The following ATP10A variants were observed in gnomAD, a reference collection of about 807,000 sequenced individuals.
ATP10A encodes ATPase phospholipid transporting 10A (putative).
In ATP10A, 111 loss-of-function variants were observed where a neutral mutation model predicts 147.8. That is an observed-to-expected ratio of 0.75 (90% CI 0.64 to 0.88). The LOEUF is 0.88. Among genes scored for constraint, ATP10A ranks in the 40% least tolerant of loss-of-function variants. ATP10A has a pLI of 0.00. For missense variants in ATP10A, 1,927 were observed against 1,959.0 expected (o/e 0.98, Z 0.31); for synonymous variants, 875 against 841.6 (o/e 1.04, Z -0.69).
At chr15:25,810,305 A>G (rs1239913554) in intron 1 of ATP10A, among the ~76,000 whole-genome samples, 1 of 152,212 alleles carries the variant, frequency 6.6e-6, no homozygotes. Context: ...CCGAGAGGGC[A>G]GAGCCCACAG....
intron 3 of ATP10A, 146 bp from the exon 4 acceptor site, chr15:25,727,412 C>G (rs546723459): frequency 1.5e-6 from 1 of 668,432 alleles, no homozygotes; most frequent in East Asian, 2.7e-5. Flanking sequence ...AGGGGGCCCC[C>G]GAGAGTGGGT....
At chr15:25,767,899 C>T (rs750885071) in intron 2 of ATP10A, among the ~76,000 whole-genome samples, 10 of 152,350 alleles carry the variant, frequency 6.6e-5, no homozygotes, top group Middle Eastern at 6.8e-3. Context: ...CTGTCTGAGA[C>T]GCATCTAACA....
chr15:25,850,469 C>T (rs1167557723), intron 1 of ATP10A, among the ~76,000 whole-genome samples: 3 of 152,160 alleles, frequency 2.0e-5, no homozygotes, highest in Non-Finnish European at 2.9e-5. Context: ...CCGCCTCAGC[C>T]GAGCCCTGAA....
At position 25,760,237 on chromosome 15, in the gene ATP10A, C is replaced by T. The variant is rs543838003; in HGVS notation, c.654+20782G>A. On this transcript the variant is annotated intron_variant, in intron 2 of 20. Coordinates refer to ENST00000555815, the MANE Select transcript of ATP10A (RefSeq NM_024490.4). ...AGAGATTAAGCCAACATGGGCTTAT[C>T]GAATATTTTAAATTATATGGGAAGC... Among the ~76,000 whole-genome samples the T allele has an allele frequency of 3.9e-5, 6 of 152,168 alleles. No individual in the cohort carries two copies. The South Asian group carries it at 1.2e-3, about 32-fold the overall frequency.
chr15:25,833,511 C>T (rs1892456374), intron 1 of ATP10A, among the ~76,000 whole-genome samples: 3 of 152,168 alleles, frequency 2.0e-5, no homozygotes, highest in Non-Finnish European at 4.4e-5. Context: ...TAGAGTACCC[C>T]TACCACACTT....
chr15:25,857,458 A>AT (rs1171757898), intron 1 of ATP10A, among the ~76,000 whole-genome samples: 2 of 151,712 alleles, frequency 1.3e-5, no homozygotes, highest in Non-Finnish European at 2.9e-5. Context: ...AAAAATAATA[A>AT]TTTTTTTTAG....
chr15:25,690,240 T>A (rs12438413), intron 15 of ATP10A, among the ~76,000 whole-genome samples: 3,276 of 93,946 alleles, frequency 0.035, 85 homozygotes, highest in East Asian at 0.13. Flanking sequence ...TCCTTTTTTT[T>A]AAAAAAAAAA....
intron 1 of ATP10A, among the ~76,000 whole-genome samples, chr15:25,798,282 C>A (rs988959389): frequency 6.6e-6 from 1 of 152,120 alleles, no homozygotes; most frequent in African/African-American, 2.4e-5. Flanking sequence ...GTGCAGTGTG[C>A]GCTTCATGCT....
At chr15:25,677,158 C>G (rs1472066792), downstream of ATP10A, 2 of 152,224 alleles carry the variant, frequency 1.3e-5, no homozygotes, top group Non-Finnish European at 2.9e-5. Flanking sequence ...AGGAAGCCAG[C>G]CTTCCTACTT....
At chr15:25,790,230 T>C (rs941072946) in intron 1 of ATP10A, among the ~76,000 whole-genome samples, 6 of 152,212 alleles carry the variant, frequency 3.9e-5, no homozygotes, top group African/African-American at 7.2e-5. Context: ...GAGTGCTTTT[T>C]CTGGAGTGAA....
chr15:25,713,906 C>A lies in ATP10A; in HGVS notation c.2112G>T (p.Val704=). The part of the protein sequence containing the change: ...EAESPDEAAL[V]YAARAYNCVL... ...CGCAGTTGTAGGCTCTGGCCGCATA[C>A]ACCAGTGCGGCCTCATCCGGGCTCT... Residue 704 remains valine (V), a synonymous_variant, in exon 10 of 21, where the codon GTG becomes GTT. Coordinates refer to ENST00000555815, the MANE Select transcript of ATP10A (RefSeq NM_024490.4). The A allele has an allele frequency of 1.2e-6, 2 of 1,613,336 alleles. No individual in the cohort carries two copies. The highest frequency in any genetic ancestry group is 1.7e-6 in the Non-Finnish European group (2 of 1,180,044).
At chr15:25,844,605 C>T (rs544364333) in intron 1 of ATP10A, among the ~76,000 whole-genome samples, 24 of 152,244 alleles carry the variant, frequency 1.6e-4, no homozygotes, top group African/African-American at 5.5e-4. Flanking sequence ...CAGGGTGCAG[C>T]CCCCCAACCT....
intron 1 of ATP10A, among the ~76,000 whole-genome samples, chr15:25,807,131 G>A (rs763015186): frequency 6.6e-5 from 10 of 152,218 alleles, no homozygotes; most frequent in Non-Finnish European, 1.5e-4. Context: ...GTGAGATGAG[G>A]AAAACATCCT....
intron 3 of ATP10A, among the ~76,000 whole-genome samples, chr15:25,730,885 T>C (rs1221734421): frequency 6.6e-6 from 1 of 152,262 alleles, no homozygotes; most frequent in Non-Finnish European, 1.5e-5. Flanking sequence ...ATTTTTAAGA[T>C]ATAAATATGT....
At chr15:25,692,190 T>G in intron 14 of ATP10A, among the ~76,000 whole-genome samples, 1 of 152,134 alleles carries the variant, frequency 6.6e-6, no homozygotes, top group South Asian at 2.1e-4. Flanking sequence ...GGGCAGTTTC[T>G]AAACTAAGGG....
At chr15:25,801,171 G>A (rs1195575484) in intron 1 of ATP10A, among the ~76,000 whole-genome samples, 1 of 152,160 alleles carries the variant, frequency 6.6e-6, no homozygotes, top group African/African-American at 2.4e-5. Flanking sequence ...TGTGCATGCT[G>A]GAATTTGAGG....
At chr15:25,723,207 GGT>G (rs1031190110) in intron 6 of ATP10A, among the ~76,000 whole-genome samples, 1 of 152,054 alleles carries the variant, frequency 6.6e-6, no homozygotes, top group African/African-American at 2.4e-5. Flanking sequence ...AAATTAGCAA[GGT>G]GTGTGGCATG....
intron 2 of ATP10A, among the ~76,000 whole-genome samples, chr15:25,765,763 C>T (rs918645108): frequency 6.6e-6 from 1 of 152,166 alleles, no homozygotes; most frequent in Non-Finnish European, 1.5e-5. Flanking sequence ...CTCACAGAGA[C>T]GCAAACCCTT....
At chr15:25,709,011 A>T (rs1901225627) in intron 10 of ATP10A, 1 of 152,386 alleles carries the variant, frequency 6.6e-6, no homozygotes, top group Admixed American at 6.5e-5. Flanking sequence ...CTGAAAGAGG[A>T]CCCGGTAAGA....
Sources: allele counts gnomAD v4.1 joint callset (sites outside exome capture counted in the v4.1 genomes callset), GRCh38; gene constraint gnomAD v4.1.1; transcripts MANE v1.5; gene names NCBI Gene and HGNC (gene_info 2026-07-23, HGNC 2026-07-21).